Variants in BRD3 observed in about 807,000 individuals in gnomAD.
BRD3 encodes the protein bromodomain containing 3, also known as bromodomain-containing protein 3.
Under a neutral mutation model 66.8 loss-of-function variants are expected in BRD3, and 17 were observed. That is an observed-to-expected ratio of 0.25 (90% confidence interval 0.17 to 0.38). The LOEUF (loss-of-function observed/expected upper bound fraction) is 0.38, where lower values mean the gene tolerates loss of function less well. Among genes scored for constraint, BRD3 ranks in the 10% least tolerant of loss-of-function variants. The probability of loss-of-function intolerance (pLI) is 1.00; values close to 1 mark genes in which losing one functional copy is unlikely to be tolerated. For missense variants in BRD3, 713 were observed against 956.1 expected, an observed-to-expected ratio of 0.75 and a Z score of 3.35; for synonymous variants, 421 against 393.2, an observed-to-expected ratio of 1.07 and a Z score of -0.84.
intron 7 of BRD3, 57 bp from the exon 8 acceptor site, chr9:134,042,008 G>T: frequency 6.8e-7 from 1 of 1,479,266 alleles, no homozygotes; most frequent in Non-Finnish European, 9.0e-7. Flanking sequence ...CTGCCCCTTG[G>T]TGTGGGCCCT....
chr9:134,065,206 C>T (rs145316974), intron 1 of BRD3, among the ~76,000 whole-genome samples: 75 of 152,280 alleles, frequency 4.9e-4, no homozygotes, highest in African/African-American at 1.8e-3. Context: ...AGGTGGATCA[C>T]GAGGTGAGGA....
intron 1 of BRD3, among the ~76,000 whole-genome samples, chr9:134,055,507 C>G (rs372403372): frequency 2.4e-4 from 37 of 152,328 alleles, no homozygotes; most frequent in African/African-American, 6.3e-4. Context: ...CTGGGGCCAG[C>G]CACACGGCCT....
intron 1 of BRD3, among the ~76,000 whole-genome samples, chr9:134,067,232 A>G (rs908301839): frequency 1.3e-5 from 2 of 152,068 alleles, no homozygotes; most frequent in Non-Finnish European, 2.9e-5. Flanking sequence ...TCAAAACGGG[A>G]ACTGGGTCTC....
chr9:134,034,660 A>T (rs750698523), intron 11 of BRD3, 41 bp downstream of exon 11: 2 of 1,597,180 alleles, frequency 1.3e-6, no homozygotes, highest in South Asian at 1.1e-5. Flanking sequence ...GACACCCCCC[A>T]CCCCCCTAAA....
rs1202005084 is a variant in BRD3, at chr9:134,032,764, G to A, written c.*826C>T. The A allele has an allele frequency of 8.1e-6, 2 of 245,994 alleles. No homozygotes were observed. The highest frequency in any genetic ancestry group is 1.6e-5 in the Non-Finnish European group (2 of 127,658). The allele number at this position is 245,994 out of a possible 1,614,324, so 15.2% of individuals were successfully genotyped here. ...GGGTGGCGCGGCAGCAGCAGCAGGG[G>A]CAGCGCTAGCCAGGCGGGGACTCAC... On this transcript the variant is annotated 3_prime_UTR_variant, in exon 12 of 12. Transcript: ENST00000303407.
intron 1 of BRD3, among the ~76,000 whole-genome samples, chr9:134,067,536 G>A (rs1830691003): frequency 1.4e-5 from 2 of 148,138 alleles, no homozygotes; most frequent in Admixed American, 1.3e-4. Context: ...TCGAAAGATG[G>A]CGGGCGGAGG....
intron 6 of BRD3, among the ~76,000 whole-genome samples, chr9:134,046,379 G>A (rs572537420): frequency 3.3e-5 from 5 of 152,310 alleles, no homozygotes; most frequent in South Asian, 2.1e-4. Flanking sequence ...GACGACACAC[G>A]CAAGGGCAAG....
At position 134,045,421 on chromosome 9, in the gene BRD3, T is replaced by C. The variant is rs201688777; in HGVS notation, c.1087A>G (p.Arg363Gly). 3 of 1,613,388 alleles carry C rather than the reference T, an allele frequency of 1.9e-6. No homozygotes were observed. Among genetic ancestry groups the C allele is most frequent in the African/African-American group, 2.7e-5 (2 of 75,008 alleles). The change falls in exon 7 of 12, where the codon AGG becomes GGG. Residue 363 changes from arginine to glycine, a missense_variant and splice_region_variant. Coordinates refer to ENST00000303407, the MANE Select transcript of BRD3 (RefSeq NM_007371.4). The surrounding 1 kb of genome is among the most constrained non-coding windows in gnomAD (Gnocchi z 4.8). Reference sequence around the variant, plus strand: ...GGGTACTCTCGGCCATCCATCTTCCTCTGCAACACACAGTGACAGGGGCCA... The same window carrying C: ...GGGTACTCTCGGCCATCCATCTTCCCCTGCAACACACAGTGACAGGGGCCA... Reference protein sequence around the residue: ...KHPMDLSTVKRKMDGREYPDA... With the variant: ...KHPMDLSTVKGKMDGREYPDA...
intron 8 of BRD3, among the ~76,000 whole-genome samples, chr9:134,040,609 T>C (rs2132395130): frequency 6.6e-6 from 1 of 152,366 alleles, no homozygotes. Flanking sequence ...ATGTGCAGAA[T>C]GTGCAGGTTT....
intron 6 of BRD3, among the ~76,000 whole-genome samples, chr9:134,047,078 C>T (rs1475022207): frequency 6.6e-6 from 1 of 152,226 alleles, no homozygotes; most frequent in Admixed American, 6.5e-5. Context: ...GCAGTGGAGC[C>T]AGGCGGCCCC....
chr9:134,054,955 G>A lies in BRD3; in HGVS notation c.-113-1365C>T, dbSNP rs1830383955. On this transcript the variant is annotated intron_variant, in intron 1 of 11. Transcript: ENST00000303407. ...ACCAAGCATGCCAGCACGAGAGAAC[G>A]TGCCCCGTCTCTGGGGCGCCCACCT... is the stretch of plus-strand genomic sequence containing the variant. Among the ~76,000 whole-genome samples the A allele has an allele frequency of 2.0e-5, 3 of 152,124 alleles. 1 individual carries two copies. The highest frequency in any genetic ancestry group is 4.1e-4 in the South Asian group (2 of 4,828).
At chr9:134,066,790 T>C (rs1246862760) in intron 1 of BRD3, among the ~76,000 whole-genome samples, 3 of 152,228 alleles carry the variant, frequency 2.0e-5, no homozygotes, top group African/African-American at 2.4e-5. Flanking sequence ...CCAAGTTTAA[T>C]GTAAGGGGGA....
Position 134,033,687 on chromosome 9 carries a change from G to C in BRD3, c.2084C>G (p.Pro695Arg). Residue 695 changes from proline (P) to arginine (R), a missense_variant, in exon 12 of 12, where the codon CCC (proline) becomes CGC (arginine). Around this residue, in one of 5 missense-constraint regions of BRD3, gnomAD observed 42 missense variants for 29.2 expected, o/e 1.44. Transcript: ENST00000303407. The surrounding 1 kb of genome is among the most constrained non-coding windows in gnomAD (Gnocchi z 5.1). ...GCTGAGCCTGGACGGGCCCCCTGAGGGTGCTGAGCCGGGCTTCTCTGTGGA... is the reference window on the plus strand; with the variant it reads ...GCTGAGCCTGGACGGGCCCCCTGAGCGTGCTGAGCCGGGCTTCTCTGTGGA... ...PARKEKPGSAPSGGPSRLSSS... is the reference protein window; with the variant it reads ...PARKEKPGSARSGGPSRLSSS... 1 of 755,094 alleles carries C rather than the reference G, an allele frequency of 1.3e-6. No individual in the cohort carries two copies. The highest frequency in any genetic ancestry group is 2.5e-6 in the Non-Finnish European group (1 of 407,512). 46.8% of individuals were successfully genotyped at this position (755,094 alleles called of 1,614,324 possible).
chr9:134,067,577 AGGGCGCGCGGAGGCCGGGCTGGCGCG>A (rs952598105), intron 1 of BRD3, among the ~76,000 whole-genome samples: 37 of 146,526 alleles, frequency 2.5e-4, no homozygotes, highest in African/African-American at 8.1e-4. Context: ...TCCGTGAGGG[AGGGCGCGCGGAGGCCGGGCTGGCGCG>A]GGGCGCGCGG....
intron 10 of BRD3, among the ~76,000 whole-genome samples, chr9:134,035,700 G>C (rs930722728): frequency 5.9e-5 from 9 of 152,262 alleles, no homozygotes; most frequent in Non-Finnish European, 7.3e-5. Flanking sequence ...ACTGGGCCCT[G>C]AATGAATGGG....
At chr9:134,067,680 AAGCGGG>A (rs1564564036) in intron 1 of BRD3, among the ~76,000 whole-genome samples, 1 of 145,740 alleles carries the variant, frequency 6.9e-6, no homozygotes, top group Admixed American at 6.8e-5. Flanking sequence ...GGAGGCGGCC[AAGCGGG>A]AGCGGGAGGA....
At chr9:134,035,206 C>G (rs1343043638) in intron 10 of BRD3, among the ~76,000 whole-genome samples, 1 of 152,234 alleles carries the variant, frequency 6.6e-6, no homozygotes, top group Non-Finnish European at 1.5e-5. Context: ...CCGCTGCTCT[C>G]CATCTGCCCG....
Position 134,041,875 on chromosome 9 carries a change from G to C in BRD3, c.1292C>G (p.Pro431Arg). ...GCTCTCAGCGCCCTTGCTCACCATG[G>C]GGGCCGCGGGGGCAGGCAGCGCCGG... ...EAPALPAPAA[P>R]MVSKGAESSR... Residue 431 changes from proline to arginine, a missense_variant, in exon 8 of 12, where the codon CCC becomes CGC. Physicochemically the swap from Pro to Arg is moderately radical, Grantham distance 103. Around this residue, in one of 5 missense-constraint regions of BRD3, gnomAD observed 418 missense variants for 609.3 expected, o/e 0.69. Transcript: ENST00000303407. 1 of 1,612,092 alleles carries C rather than the reference G, an allele frequency of 6.2e-7. No homozygotes were observed.
chr9:134,036,812 T>C (rs1829926700), intron 9 of BRD3, among the ~76,000 whole-genome samples: 1 of 151,836 alleles, frequency 6.6e-6, no homozygotes, highest in South Asian at 2.1e-4. Context: ...GTCGAGACCA[T>C]CCTGGCTACC....
Sources: gnomAD v4.1 joint callset for allele counts (sites outside exome capture counted in the v4.1 genomes callset) on GRCh38, gnomAD v4.1.1 for gene constraint, gnomAD v4.1.1 regional missense constraint, Gnocchi (gnomAD v3.1) non-coding constraint, MANE v1.5 for transcripts, NCBI Gene and HGNC (gene_info 2026-07-23, HGNC 2026-07-21) for gene names.